Variants in DIO1 observed in about 807,000 individuals in gnomAD.
DIO1 encodes the protein iodothyronine deiodinase 1, also known as type I iodothyronine deiodinase.
Under a neutral mutation model 25.9 loss-of-function variants are expected in DIO1, and 17 were observed. The observed-to-expected ratio is 0.66, with a 90% CI of 0.45 to 0.98. DIO1 has a LOEUF of 0.98. Among genes scored for constraint, DIO1 ranks in the 50% least tolerant of loss-of-function variants. The pLI is 0.00. For synonymous variants in DIO1, 115 were observed against 114.0 expected, an observed-to-expected ratio of 1.01 and a Z score of -0.05; for missense variants, 270 against 310.4, an observed-to-expected ratio of 0.87 and a Z score of 0.98.
intron 1 of DIO1, among the ~76,000 whole-genome samples, chr1:53,895,056 C>T (rs998737582): frequency 4.6e-5 from 7 of 152,274 alleles, no homozygotes; most frequent in South Asian, 2.1e-4. Flanking sequence ...CAATGCAGGT[C>T]GAGACCATTG....
At chr1:53,899,940 G>C (rs186940552) in intron 1 of DIO1, among the ~76,000 whole-genome samples, 28 of 152,258 alleles carry the variant, frequency 1.8e-4, no homozygotes, top group Admixed American at 3.3e-4. Context: ...GGAGGCCAGT[G>C]ACCAGCCACT....
At chr1:53,902,255 TG>T (rs1428578834) in intron 1 of DIO1, among the ~76,000 whole-genome samples, 2 of 151,838 alleles carry the variant, frequency 1.3e-5, no homozygotes, top group African/African-American at 4.9e-5. Context: ...CTGCCCCGCC[TG>T]TCTAAAATAG....
At chr1:53,895,727 G>C (rs1031223711) in intron 1 of DIO1, among the ~76,000 whole-genome samples, 1 of 152,158 alleles carries the variant, frequency 6.6e-6, no homozygotes, top group Non-Finnish European at 1.5e-5. Flanking sequence ...TCAGGCTCTA[G>C]CTTTTCTTCT....
chr1:53,909,522 T>C (rs1295783649), intron 3 of DIO1, among the ~76,000 whole-genome samples: 1 of 151,992 alleles, frequency 6.6e-6, no homozygotes, highest in Non-Finnish European at 1.5e-5. Flanking sequence ...GCCCAGGCTG[T>C]AGGATGAAAA....
Position 53,910,307 on chromosome 1 carries a change from C to T in DIO1, c.*308C>T, listed in dbSNP as rs547100250. The T allele has an allele frequency of 1.9e-5, 7 of 370,698 alleles. No homozygotes were observed. Among genetic ancestry groups the T allele is most frequent in the South Asian group, 1.9e-4 (6 of 32,154 alleles). The allele number at this position is 370,698 out of a possible 1,614,324, so 23.0% of individuals were successfully genotyped here. A position where few individuals can be genotyped will look rare whatever the true frequency, so the allele number is the denominator to read the frequency against. ...GCTCCCACTTTGGAGACCACATTCC[C>T]TGCACACGGTCTTTGAGAGAGCAGT... On this transcript the variant is annotated 3_prime_UTR_variant, in exon 4 of 4. Transcript: ENST00000361921.
chr1:53,896,867 G>A (rs994199445), intron 1 of DIO1, among the ~76,000 whole-genome samples: 1 of 152,228 alleles, frequency 6.6e-6, no homozygotes, highest in African/African-American at 2.4e-5. Context: ...AGGAAAAAGG[G>A]AAGAGTGTTT....
intron 1 of DIO1, among the ~76,000 whole-genome samples, chr1:53,902,658 G>T (rs1016916454): frequency 6.6e-6 from 1 of 151,730 alleles, no homozygotes; most frequent in African/African-American, 2.4e-5. Context: ...AGCTCTGGCC[G>T]TAAGAAACCA....
chr1:53,900,129 G>C (rs1440121406), intron 1 of DIO1, among the ~76,000 whole-genome samples: 1 of 152,230 alleles, frequency 6.6e-6, no homozygotes, highest in Non-Finnish European at 1.5e-5. Flanking sequence ...AGTGAAACTA[G>C]TCTGCTTTCC....
intron 2 of DIO1, 49 bp downstream of exon 2, chr1:53,904,858 C>T: frequency 6.4e-7 from 1 of 1,573,384 alleles, no homozygotes; most frequent in Non-Finnish European, 8.6e-7. Context: ...TGTCTTTTCT[C>T]TCTCCCTTTT....
rs1351485892 is a variant in DIO1 at position 53,904,651 on chromosome 1, T to C, written c.338-15T>C. 6.2e-7 allele frequency: 1 copy of C among 1,611,070 alleles called. No homozygotes were observed. The highest frequency in any genetic ancestry group is 2.2e-5 in the East Asian group (1 of 44,852). ...TGTGTAGGGTCTCAGTTTGTGATGG[T>C]TGTTGCTGTTTCAGGTAATAGGCCA... On this transcript the variant is annotated splice_polypyrimidine_tract_variant and intron_variant, in intron 1 of 3. Transcript: ENST00000361921.
At chr1:53,898,609 G>A (rs1001807159) in intron 1 of DIO1, among the ~76,000 whole-genome samples, 2 of 152,048 alleles carry the variant, frequency 1.3e-5, no homozygotes, top group Non-Finnish European at 2.9e-5. Context: ...GCCGGGCATC[G>A]TGGCATGCGC....
intron 1 of DIO1, among the ~76,000 whole-genome samples, chr1:53,897,939 G>A (rs1569698937): frequency 6.6e-6 from 1 of 152,214 alleles, no homozygotes; most frequent in Non-Finnish European, 1.5e-5. Context: ...GCAAAATAGA[G>A]TTTACTTTCA....
intron 3 of DIO1, among the ~76,000 whole-genome samples, chr1:53,907,086 A>G (rs1651693350): frequency 6.6e-6 from 1 of 152,170 alleles, no homozygotes; most frequent in Non-Finnish European, 1.5e-5. Context: ...AGCTGCTAAC[A>G]TTTGCGGCAG....
rs550494639 is a variant in DIO1 at position 53,903,868 on chromosome 1, A to T, written c.338-798A>T. ...AAAAATAAAAAAGAAACGTCTTTAT[A>T]TTTTAATAAATTTAATGGCACTTTC... On this transcript the variant is annotated intron_variant, in intron 1 of 3. Transcript: ENST00000361921. Among the ~76,000 whole-genome samples, 65 of 152,032 alleles carry T rather than the reference A, an allele frequency of 4.3e-4. 2 individuals carry two copies. The highest frequency in any genetic ancestry group is 1.6e-3 in the African/African-American group (65 of 41,294).
At chr1:53,903,645 C>T (rs553327691) in intron 1 of DIO1, among the ~76,000 whole-genome samples, 14 of 151,828 alleles carry the variant, frequency 9.2e-5, no homozygotes, top group African/African-American at 3.2e-4. Flanking sequence ...GGTCAGGAGT[C>T]TGAGACCAGC....
At chr1:53,903,621 G>A (rs1053614629) in intron 1 of DIO1, among the ~76,000 whole-genome samples, 6 of 151,842 alleles carry the variant, frequency 4.0e-5, no homozygotes, top group Non-Finnish European at 4.4e-5. Context: ...GGCCGAGGCC[G>A]GCGGATCACT....
At chr1:53,908,420 ACAATT>A (rs1342640277) in intron 3 of DIO1, among the ~76,000 whole-genome samples, 1 of 152,202 alleles carries the variant, frequency 6.6e-6, no homozygotes, top group Non-Finnish European at 1.5e-5. Context: ...CCCTGTCGCA[ACAATT>A]CAATTCTGCT....
intron 2 of DIO1, among the ~76,000 whole-genome samples, chr1:53,905,597 T>C (rs937516163): frequency 2.0e-5 from 3 of 152,254 alleles, no homozygotes; most frequent in Non-Finnish European, 2.9e-5. Context: ...GTCCCATTTC[T>C]AGTCCATCCA....
chr1:53,906,327 G>A, intron 3 of DIO1, 33 bp downstream of exon 3: 1 of 1,580,412 alleles, frequency 6.3e-7, no homozygotes, highest in South Asian at 1.1e-5. Context: ...CCCAGGGAGG[G>A]CAAAGGGGCC....
Sources: allele counts gnomAD v4.1 joint callset (sites outside exome capture counted in the v4.1 genomes callset), GRCh38; gene constraint gnomAD v4.1.1; transcripts MANE v1.5; gene names NCBI Gene and HGNC (gene_info 2026-07-23, HGNC 2026-07-21).